The following TP53BP1 variants were observed in gnomAD, a reference collection of about 807,000 sequenced individuals.
TP53BP1 encodes tumor protein p53 binding protein 1.
In TP53BP1, 61 loss-of-function variants were observed where a neutral mutation model predicts 200.8. The observed-to-expected ratio is 0.30, with a 90% CI of 0.25 to 0.38. The LOEUF (loss-of-function observed/expected upper bound fraction) is 0.38. Among genes scored for constraint, TP53BP1 ranks in the 10% least tolerant of loss-of-function variants. The pLI, the probability that TP53BP1 is intolerant of heterozygous loss-of-function variation, is 1.00. For synonymous variants in TP53BP1, 822 were observed against 844.3 expected, an observed-to-expected ratio of 0.97 and a Z score of 0.46; for missense variants, 2,144 against 2,371.9, an observed-to-expected ratio of 0.90 and a Z score of 2.00.
At chr15:43,480,242 G>A (rs944859106) in intron 5 of TP53BP1, among the ~76,000 whole-genome samples, 17 of 152,216 alleles carry the variant, frequency 1.1e-4, no homozygotes, top group African/African-American at 3.4e-4. Context: ...GAGGTCAGGC[G>A]GTCAAGACCA....
intron 7 of TP53BP1, among the ~76,000 whole-genome samples, 189 bp from the exon 8 acceptor site, chr15:43,477,948 A>C (rs2078908290): frequency 6.6e-6 from 1 of 152,192 alleles, no homozygotes; most frequent in Non-Finnish European, 1.5e-5. Context: ...CCCATTTTAA[A>C]ACCTGTCTCA....
intron 7 of TP53BP1, 91 bp downstream of exon 7, chr15:43,479,306 A>C (rs2078928715): frequency 1.5e-6 from 2 of 1,342,714 alleles, no homozygotes; most frequent in Non-Finnish European, 2.0e-6. Context: ...TTAAAAATCA[A>C]CAATTTCTAA....
intron 18 of TP53BP1, 64 bp from the exon 19 acceptor site, chr15:43,422,190 G>T: frequency 6.5e-7 from 1 of 1,540,168 alleles, no homozygotes; most frequent in Non-Finnish European, 8.8e-7. Context: ...TAATATGATG[G>T]TTGGAAAATC....
chr15:43,476,440 C>T (rs141457605), intron 8 of TP53BP1, among the ~76,000 whole-genome samples: 2 of 152,266 alleles, frequency 1.3e-5, no homozygotes, highest in Non-Finnish European at 2.9e-5. Flanking sequence ...CAAAAAAATG[C>T]ACATGACACT....
intron 4 of TP53BP1, 83 bp from the exon 5 acceptor site, chr15:43,481,105 C>G (rs1463562913): frequency 2.6e-6 from 4 of 1,526,556 alleles, no homozygotes; most frequent in Non-Finnish European, 3.6e-6. Flanking sequence ...CAACACATAC[C>G]AACCATCTCT....
chr15:43,450,877 A>G (rs534487072), intron 12 of TP53BP1, among the ~76,000 whole-genome samples: 2 of 152,088 alleles, frequency 1.3e-5, no homozygotes, highest in East Asian at 1.9e-4. Context: ...TGCATTATTT[A>G]TTTACTTATT....
Position 43,441,565 on chromosome 15 carries a change from C to A in TP53BP1, c.3059G>T (p.Arg1020Ile). 6.2e-7 allele frequency: 1 copy of A among 1,613,218 alleles called. No homozygotes were observed. The highest frequency in any genetic ancestry group is 1.7e-4 in the Middle Eastern group (1 of 6,058). The change falls in exon 15 of 28, where the codon AGA becomes ATA. Residue 1020 changes from arginine to isoleucine, a missense_variant. Transcript: ENST00000382044. ...AGCAACAGCAGTAGATCCATTTTTT[C>A]TTTCACCAGTTGCAGGCTCTGAATA... Reference protein sequence around the residue: ...FNLEKPATGERKNGSTAVAES... With the variant: ...FNLEKPATGEIKNGSTAVAES...
intron 10 of TP53BP1, among the ~76,000 whole-genome samples, chr15:43,474,455 CAAAA>C (rs398043214): frequency 3.8e-5 from 3 of 79,136 alleles, no homozygotes; most frequent in Non-Finnish European, 9.2e-5. Flanking sequence ...TGGGGTTAGA[CAAAA>C]AAAAAAAAAA....
intron 1 of TP53BP1, among the ~76,000 whole-genome samples, chr15:43,508,689 A>G: frequency 6.6e-6 from 1 of 152,208 alleles, no homozygotes; most frequent in East Asian, 1.9e-4. Context: ...CACCCAGTGG[A>G]ATGGCTGGAA....
chr15:43,445,858 A>C (rs2046030541), intron 14 of TP53BP1, among the ~76,000 whole-genome samples: 1 of 152,202 alleles, frequency 6.6e-6, no homozygotes, highest in African/African-American at 2.4e-5. Flanking sequence ...AATGCAAGGA[A>C]AGGAATCATC....
chr15:43,405,321 T>C lies in TP53BP1; in HGVS notation c.*2062A>G. 3 of 1,287,440 alleles carry C rather than the reference T, an allele frequency of 2.3e-6. No homozygotes were observed. Among genetic ancestry groups the C allele is most frequent in the Non-Finnish European group, 3.4e-6 (3 of 892,906 alleles). 79.8% of individuals were successfully genotyped at this position (1,287,440 alleles called of 1,614,324 possible). On this transcript the variant is annotated 3_prime_UTR_variant, in exon 28 of 28. Transcript: ENST00000382044. ...ACACAAATAAATATCTGCGGCTTAG[T>C]GATAGGACTCTACCTTTTCTCCTAG...
Position 43,473,864 on chromosome 15 carries a change from G to A in TP53BP1, c.1180+809C>T, listed in dbSNP as rs139696276. On this transcript the variant is annotated intron_variant, in intron 10 of 27. Transcript: ENST00000382044. ...TGGAGCTGCCTACCAGTCCTGTGCC[G>A]TGCTCCTGCACTCCTCAGCCCTTTG... Among the ~76,000 whole-genome samples, 998 of 152,324 alleles carry A rather than the reference G, an allele frequency of 6.6e-3. 10 individuals are homozygous for A. Among genetic ancestry groups the A allele is most frequent in the African/African-American group, 0.022 (900 of 41,564 alleles).
chr15:43,485,860 A>G (rs1408136980), intron 4 of TP53BP1, among the ~76,000 whole-genome samples: 1 of 152,114 alleles, frequency 6.6e-6, no homozygotes, highest in Non-Finnish European at 1.5e-5. Flanking sequence ...AAGAAAAAAG[A>G]AAATACTCAA....
intron 17 of TP53BP1, among the ~76,000 whole-genome samples, chr15:43,429,030 A>G (rs1187512485): frequency 6.6e-6 from 1 of 152,268 alleles, no homozygotes; most frequent in East Asian, 1.9e-4. Flanking sequence ...TTTCTTATTT[A>G]CAAAAATACA....
At position 43,456,403 on chromosome 15, in the gene TP53BP1, C is replaced by T. The variant is rs2046297698; in HGVS notation, c.2205G>A (p.Lys735=). ...TSVISIDSPQ[K]LAILDQELEH... ...CCAATTCTTGGTCAAGTATTGCCAACTTTTGAGGGGAATCAATACTAATCA... is the reference window on the plus strand; with the variant it reads ...CCAATTCTTGGTCAAGTATTGCCAATTTTTGAGGGGAATCAATACTAATCA... The change falls in exon 12 of 28, where the codon AAG becomes AAA. Residue 735 remains lysine (K), a synonymous_variant. Transcript: ENST00000382044. The T allele has an allele frequency of 6.3e-7, 1 of 1,598,282 alleles. No individual in the cohort carries two copies. The highest frequency in any genetic ancestry group is 1.4e-5 in the African/African-American group (1 of 74,070).
At chr15:43,485,525 C>T (rs547147227) in intron 4 of TP53BP1, among the ~76,000 whole-genome samples, 4 of 143,884 alleles carry the variant, frequency 2.8e-5, no homozygotes, top group Admixed American at 7.5e-5. Context: ...TGCAGTGAGC[C>T]GAGATCGTGC....
At position 43,474,455 on chromosome 15, in the gene TP53BP1, CA is replaced by C. The variant is rs398043214; in HGVS notation, c.1180+217del. Among the ~76,000 whole-genome samples, 290 of 79,130 alleles carry C rather than the reference CA, an allele frequency of 3.7e-3. No individual in the cohort carries two copies. The Middle Eastern group carries it at 0.056, about 15-fold the overall frequency. The allele number at this position is 79,130 out of a possible 152,430, so 51.9% of individuals were successfully genotyped here. ...GCTGTCACCTCTCAATGGGGTTAGA[CA>C]AAAAAAAAAAAAAAAAAAGGAAGGA... On this transcript the variant is annotated intron_variant, in intron 10 of 27. Transcript: ENST00000382044.
intron 1 of TP53BP1, 78 bp downstream of exon 1, chr15:43,492,959 C>A: frequency 1.3e-6 from 2 of 1,593,012 alleles, no homozygotes; most frequent in Non-Finnish European, 8.6e-7. Flanking sequence ...ACCCCGCCCC[C>A]TCCGGTCAGC....
intron 15 of TP53BP1, among the ~76,000 whole-genome samples, chr15:43,439,252 T>C (rs751627930): frequency 5.3e-5 from 8 of 152,276 alleles, no homozygotes; most frequent in Non-Finnish European, 8.8e-5. Context: ...AAAAGTTTCA[T>C]GTACGCTGGG....
Sources: gnomAD v4.1 joint callset for allele counts (sites outside exome capture counted in the v4.1 genomes callset) on GRCh38, gnomAD v4.1.1 for gene constraint, MANE v1.5 for transcripts, NCBI Gene and HGNC (gene_info 2026-07-23, HGNC 2026-07-21) for gene names.